UTRN: variants seen among roughly 807,000 people sequenced by gnomAD.
The protein encoded by UTRN is dystrophin-related protein 1.
Under a neutral mutation model 463.9 loss-of-function variants are expected in UTRN, and 283 were observed. The ratio of observed to expected loss-of-function variants is 0.61; its 90% CI spans 0.55 to 0.67. UTRN has a LOEUF of 0.67. Among genes scored for constraint, UTRN ranks in the 30% least tolerant of loss-of-function variants. The pLI, the probability that UTRN is intolerant of heterozygous loss-of-function variation, is 0.00. For missense variants in UTRN, 3,922 were observed against 4,084.3 expected (o/e 0.96, Z 1.08); for synonymous variants, 1,442 against 1,431.5 (o/e 1.01, Z -0.17).
chr6:144,462,577 C>T (rs1789532062), intron 22 of UTRN, 77 bp from the exon 23 acceptor site: 1 of 1,357,872 alleles, frequency 7.4e-7, no homozygotes, highest in Admixed American at 3.0e-5. Context: ...TGACTTTTGA[C>T]TTTATATAGC....
chr6:144,497,994 G>A (rs1293898928), intron 33 of UTRN, among the ~76,000 whole-genome samples: 2 of 152,232 alleles, frequency 1.3e-5, no homozygotes, highest in South Asian at 4.1e-4. Context: ...AGAAACTAAT[G>A]TAAGTAGCAA....
intron 54 of UTRN, among the ~76,000 whole-genome samples, chr6:144,739,245 G>A (rs1276694981): frequency 4.6e-5 from 7 of 151,984 alleles, no homozygotes; most frequent in Admixed American, 6.6e-5. Flanking sequence ...GTGATACAAC[G>A]AAGAATTTAT....
chr6:144,583,269 G>A (rs1318685946), intron 51 of UTRN: 2 of 409,418 alleles, frequency 4.9e-6, no homozygotes, highest in African/African-American at 4.1e-5. Flanking sequence ...AGCATCTGCT[G>A]GGGGGCTTTC....
At chr6:144,554,273 T>C (rs1799188600) in intron 48 of UTRN, among the ~76,000 whole-genome samples, 1 of 152,250 alleles carries the variant, frequency 6.6e-6, no homozygotes, top group African/African-American at 2.4e-5. Flanking sequence ...AAATTCTCCT[T>C]TGAGGGTAAC....
At chr6:144,330,825 G>C (rs868115182) in intron 2 of UTRN, 3 of 985,442 alleles carry the variant, frequency 3.0e-6, no homozygotes, top group Middle Eastern at 5.2e-4. Flanking sequence ...TTCCCATACT[G>C]TTTGGCCCTG....
At chr6:144,746,886 G>A (rs1284565521) in intron 54 of UTRN, among the ~76,000 whole-genome samples, 1 of 152,212 alleles carries the variant, frequency 6.6e-6, no homozygotes, top group Admixed American at 6.5e-5. Context: ...GATTTCTGAA[G>A]TTTCCTGTAG....
chr6:144,431,820 T>A (rs1785878809), intron 9 of UTRN, among the ~76,000 whole-genome samples: 1 of 152,214 alleles, frequency 6.6e-6, no homozygotes, highest in Non-Finnish European at 1.5e-5. Flanking sequence ...TTTCTTTCTC[T>A]GTCTTTGGCA....
At chr6:144,755,262 G>T (rs1160168655) in intron 57 of UTRN, among the ~76,000 whole-genome samples, 1 of 152,114 alleles carries the variant, frequency 6.6e-6, no homozygotes, top group African/African-American at 2.4e-5. Context: ...TAGGCTCGCT[G>T]CGATTATATT....
intron 44 of UTRN, among the ~76,000 whole-genome samples, chr6:144,538,969 T>C (rs1200087610): frequency 6.6e-6 from 1 of 152,206 alleles, no homozygotes; most frequent in East Asian, 1.9e-4. Flanking sequence ...TGGAACAGTA[T>C]ATTAGGATGG....
chr6:144,370,573 GC>G (rs1779894724), intron 2 of UTRN, among the ~76,000 whole-genome samples: 1 of 152,162 alleles, frequency 6.6e-6, no homozygotes, highest in Admixed American at 6.5e-5. Context: ...TGAGGTGGGA[GC>G]CCCCGCACAG....
At chr6:144,471,195 T>G (rs866190851) in intron 23 of UTRN, among the ~76,000 whole-genome samples, 11 of 151,688 alleles carry the variant, frequency 7.3e-5, no homozygotes, top group Admixed American at 3.9e-4. Flanking sequence ...CCCTGATGGG[T>G]CTGCGTGTAT....
chr6:144,732,424 T>C (rs1788792996), intron 54 of UTRN, among the ~76,000 whole-genome samples: 1 of 151,832 alleles, frequency 6.6e-6, no homozygotes, highest in Non-Finnish European at 1.5e-5. Flanking sequence ...CAGAATCTGT[T>C]GCTACTTTTG....
intron 21 of UTRN, 90 bp from the exon 22 acceptor site, chr6:144,461,107 A>G: frequency 1.8e-6 from 2 of 1,106,432 alleles, no homozygotes; most frequent in South Asian, 2.6e-5. Context: ...CTCCTTTGCC[A>G]TGTATTGGAA....
At chr6:144,326,306 G>T in intron 2 of UTRN, among the ~76,000 whole-genome samples, 1 of 144,658 alleles carries the variant, frequency 6.9e-6, no homozygotes, top group East Asian at 2.0e-4. Flanking sequence ...TGGTCCCTTA[G>T]TTTTTTTTTT....
intron 58 of UTRN, among the ~76,000 whole-genome samples, chr6:144,764,466 T>C (rs1793045619): frequency 6.6e-6 from 1 of 152,206 alleles, no homozygotes; most frequent in South Asian, 2.1e-4. Context: ...TGGAATCTTC[T>C]AGATTACCCA....
chr6:144,621,319 C>T (rs10457767), intron 51 of UTRN, among the ~76,000 whole-genome samples: 2,914 of 152,250 alleles, frequency 0.019, 28 homozygotes, highest in Middle Eastern at 0.037. Context: ...ACAAACCATA[C>T]TGTATATGAA....
chr6:144,398,347 G>A, intron 2 of UTRN: 1 of 353,738 alleles, frequency 2.8e-6, no homozygotes, highest in South Asian at 2.8e-5. Context: ...CCACACTTGT[G>A]CCTTTTCACT....
chr6:144,617,443 G>A (rs1208042542), intron 51 of UTRN, among the ~76,000 whole-genome samples: 2 of 152,198 alleles, frequency 1.3e-5, no homozygotes, highest in East Asian at 1.9e-4. Context: ...CCAGGTTTGC[G>A]TTTGGCAATA....
In UTRN at chr6:144,777,798, A is replaced by G. The variant is rs1245388034; in HGVS notation, c.8632+3434A>G. Among the ~76,000 whole-genome samples the G allele has an allele frequency of 5.9e-5, 9 of 152,318 alleles. No individual in the cohort carries two copies. In the South Asian group the frequency reaches 1.9e-3, roughly 32 times the overall value. The stretch of plus-strand genomic sequence containing the variant: ...CTGGGATTTAGGCATGGGGCAGTTA[A>G]TTGGGGATAAGAAGGGAAGGAGTTA... On this transcript the variant is annotated intron_variant, in intron 60 of 74. Coordinates refer to ENST00000367545, the MANE Select transcript of UTRN (RefSeq NM_007124.3).
Sources: allele counts gnomAD v4.1 joint callset (sites outside exome capture counted in the v4.1 genomes callset), GRCh38; gene constraint gnomAD v4.1.1; transcripts MANE v1.5; gene names NCBI Gene and HGNC (gene_info 2026-07-23, HGNC 2026-07-21).